The following KIAA0825 variants were observed in gnomAD, a reference collection of about 807,000 sequenced individuals.
The protein encoded by KIAA0825 is KIAA0825.
In KIAA0825, 119 loss-of-function variants were observed where a neutral mutation model predicts 147.6. The ratio of observed to expected loss-of-function variants is 0.81; its 90% CI spans 0.69 to 0.94. KIAA0825 has a LOEUF of 0.94. Among genes scored for constraint, KIAA0825 ranks in the 40% least tolerant of loss-of-function variants. The probability of loss-of-function intolerance (pLI) is 0.00; values close to 1 mark genes in which losing one functional copy is unlikely to be tolerated. For synonymous variants in KIAA0825, 470 were observed against 518.1 expected (o/e 0.91, Z 1.26); for missense variants, 1,381 against 1,472.7 (o/e 0.94, Z 1.02).
intron 15 of KIAA0825, among the ~76,000 whole-genome samples, chr5:94,407,295 T>C (rs1303512356): frequency 6.6e-6 from 1 of 152,218 alleles, no homozygotes; most frequent in Non-Finnish European, 1.5e-5. Context: ...GTGTGTGTGC[T>C]GGGACACGCC....
At chr5:94,373,479 G>A (rs927867296) in intron 20 of KIAA0825, among the ~76,000 whole-genome samples, 1 of 152,156 alleles carries the variant, frequency 6.6e-6, no homozygotes, top group Non-Finnish European at 1.5e-5. Flanking sequence ...CAGCATGGCT[G>A]CAGAGGCCCC....
chr5:94,196,576 G>A (rs1401921929), intron 20 of KIAA0825, among the ~76,000 whole-genome samples: 1 of 151,930 alleles, frequency 6.6e-6, no homozygotes, highest in Non-Finnish European at 1.5e-5. Context: ...CAGGTAATGA[G>A]CATAGTATCA....
intron 16 of KIAA0825, among the ~76,000 whole-genome samples, chr5:94,398,705 A>G (rs1750992486): frequency 6.6e-6 from 1 of 152,174 alleles, no homozygotes; most frequent in Non-Finnish European, 1.5e-5. Context: ...CAAAGCTCTT[A>G]GCTCCTTGAT....
At chr5:94,180,989 C>T (rs1221181939) in intron 20 of KIAA0825, among the ~76,000 whole-genome samples, 1 of 152,120 alleles carries the variant, frequency 6.6e-6, no homozygotes, top group Non-Finnish European at 1.5e-5. Flanking sequence ...TGGAAAACCA[C>T]TGACAACAGG....
At chr5:94,531,167 TG>T (rs1381239482) in intron 3 of KIAA0825, among the ~76,000 whole-genome samples, 1 of 152,146 alleles carries the variant, frequency 6.6e-6, no homozygotes, top group Non-Finnish European at 1.5e-5. Context: ...CCACAACACT[TG>T]AAAGAGTCTT....
chr5:94,166,707 C>T (rs1172398519), intron 20 of KIAA0825, among the ~76,000 whole-genome samples: 4 of 151,726 alleles, frequency 2.6e-5, no homozygotes, highest in Admixed American at 2.0e-4. Context: ...GGGGTTTCAC[C>T]ATGTTGGCCA....
At position 94,152,489 on chromosome 5, in the gene KIAA0825, T is replaced by A. The variant is rs1766570203; in HGVS notation, c.*1518A>T. 6.6e-6 allele frequency among the ~76,000 whole-genome samples: 1 copy of A among 151,682 alleles called. No individual in the cohort carries two copies. The highest frequency in any genetic ancestry group is 6.6e-5 in the Admixed American group (1 of 15,202). ...GATCACTTGAGGTAGGGAGTTCAAG[T>A]CCAGCCTGGGCAACATAGTGAGACC... On this transcript the variant is annotated 3_prime_UTR_variant, in exon 21 of 21. Coordinates refer to ENST00000682413, the MANE Select transcript of KIAA0825 (RefSeq NM_001145678.3).
At chr5:94,212,766 C>T (rs1772830808) in intron 20 of KIAA0825, among the ~76,000 whole-genome samples, 2 of 152,252 alleles carry the variant, frequency 1.3e-5, no homozygotes, top group East Asian at 1.9e-4. Flanking sequence ...GAGTCATTAT[C>T]TTTATTATCC....
At chr5:94,395,559 G>A (rs1750535421) in intron 17 of KIAA0825, among the ~76,000 whole-genome samples, 1 of 152,126 alleles carries the variant, frequency 6.6e-6, no homozygotes, top group Non-Finnish European at 1.5e-5. Context: ...CCCATGAGAA[G>A]GCTGACATTT....
At chr5:94,578,495 A>G (rs951300877) in intron 2 of KIAA0825, among the ~76,000 whole-genome samples, 1 of 152,236 alleles carries the variant, frequency 6.6e-6, no homozygotes. Flanking sequence ...ACCTGCCTCT[A>G]TATAAATGCT....
chr5:94,473,392 G>A lies in KIAA0825; in HGVS notation c.1355C>T (p.Ser452Phe). ...KILQQEQNER[S>F]SAVSYAMNLV... ...GTTCATAGCATAGCTCACAGCTGAA[G>A]ACCTTTCATTCTGTTCCTGTTGGAG... The change falls in exon 8 of 21, where the codon TCT becomes TTT. Residue 452 changes from serine (S) to phenylalanine (F), a missense_variant. Physicochemically the swap from Ser to Phe is radical, Grantham distance 155. Transcript: ENST00000682413. 6.4e-7 allele frequency: 1 copy of A among 1,552,004 alleles called. No individual in the cohort carries two copies. Among genetic ancestry groups the A allele is most frequent in the Non-Finnish European group, 8.7e-7 (1 of 1,147,064 alleles).
At chr5:94,409,382 T>A (rs1752478134) in intron 15 of KIAA0825, among the ~76,000 whole-genome samples, 1 of 152,088 alleles carries the variant, frequency 6.6e-6, no homozygotes, top group African/African-American at 2.4e-5. Context: ...AGAAAACAAA[T>A]TAAAGTCTGA....
chr5:94,554,715 ACTATATATATATATATATATATAT>A (rs1300107750), intron 2 of KIAA0825, among the ~76,000 whole-genome samples: 16 of 75,362 alleles, frequency 2.1e-4, no homozygotes, highest in Non-Finnish European at 3.7e-4. Flanking sequence ...TGTTCTGTGT[ACTATATATATATATATATATATAT>A]ATATATATAT....
chr5:94,292,312 C>T (rs1222626276), intron 20 of KIAA0825, among the ~76,000 whole-genome samples: 1 of 152,120 alleles, frequency 6.6e-6, no homozygotes, highest in Non-Finnish European at 1.5e-5. Flanking sequence ...GAGTTTTTAG[C>T]ATGAAGGGCT....
intron 5 of KIAA0825, among the ~76,000 whole-genome samples, chr5:94,493,861 A>T (rs918887838): frequency 6.6e-6 from 1 of 152,116 alleles, no homozygotes; most frequent in Non-Finnish European, 1.5e-5. Context: ...TGATAGGAGT[A>T]GTAATCATGA....
At chr5:94,594,647 T>G in intron 1 of KIAA0825, 1 of 628,870 alleles carries the variant, frequency 1.6e-6, no homozygotes, top group Non-Finnish European at 3.0e-6. Context: ...AAGGAAAATC[T>G]TCTATGAAAA....
At position 94,152,157 on chromosome 5, in the gene KIAA0825, G is replaced by C. The variant is rs972663687; in HGVS notation, c.*1850C>G. ...TTATTTGGCAGGCAGCTGTCTACAT[G>C]GCCATTTATGTATTTTTATTTAAAG... On this transcript the variant is annotated 3_prime_UTR_variant, in exon 21 of 21. Coordinates refer to ENST00000682413, the MANE Select transcript of KIAA0825 (RefSeq NM_001145678.3). Among the ~76,000 whole-genome samples, 2 of 152,052 alleles carry C rather than the reference G, an allele frequency of 1.3e-5. No individual in the cohort carries two copies. The highest frequency in any genetic ancestry group is 4.8e-5 in the African/African-American group (2 of 41,370).
chr5:94,168,630 AC>A (rs1200693506), intron 20 of KIAA0825, among the ~76,000 whole-genome samples: 1 of 152,264 alleles, frequency 6.6e-6, no homozygotes, highest in Non-Finnish European at 1.5e-5. Flanking sequence ...CTTCATTTCC[AC>A]CAGTGGATCT....
intron 20 of KIAA0825, among the ~76,000 whole-genome samples, chr5:94,313,333 G>C (rs980349797): frequency 6.6e-6 from 1 of 151,526 alleles, no homozygotes; most frequent in African/African-American, 2.4e-5. Context: ...TTTACGGCTC[G>C]ATATGAATAA....
Sources: gnomAD v4.1 joint callset for allele counts (sites outside exome capture counted in the v4.1 genomes callset) on GRCh38, gnomAD v4.1.1 for gene constraint, MANE v1.5 for transcripts, NCBI Gene and HGNC (gene_info 2026-07-23, HGNC 2026-07-21) for gene names.